Variants in PHKA1 observed in about 807,000 individuals in gnomAD.
PHKA1 encodes the protein phosphorylase kinase regulatory subunit alpha 1.
PHKA1 carries 60 observed loss-of-function variants against 110.2 expected under a neutral mutation model. That is an observed-to-expected ratio of 0.54 (90% CI 0.44 to 0.68). The LOEUF is 0.68. PHKA1 is among the 30% of genes least tolerant of loss of function. PHKA1 has a pLI of 0.00. For synonymous variants in PHKA1, 316 were observed against 333.6 expected, an observed-to-expected ratio of 0.95 and a Z score of 0.58; for missense variants, 801 against 942.5, an observed-to-expected ratio of 0.85 and a Z score of 1.97.
intron 4 of PHKA1, among the ~76,000 whole-genome samples, chrX:72,689,696 CAT>C (rs1363500010): frequency 4.5e-5 from 5 of 111,922 alleles, no homozygotes; most frequent in Non-Finnish European, 9.4e-5. Context: ...TTTGAGTGAA[CAT>C]ATGTTTTCAT....
chrX:72,605,818 A>C (rs2052720114), intron 23 of PHKA1, among the ~76,000 whole-genome samples, 199 bp from the exon 24 acceptor site: 2 of 112,137 alleles, frequency 1.8e-5, no homozygotes, highest in Admixed American at 9.4e-5. Flanking sequence ...AACTTAGAGG[A>C]GCTCTGCTCT....
chrX:72,621,156 C>T (rs1556277345), intron 18 of PHKA1, among the ~76,000 whole-genome samples: 2 of 111,361 alleles, frequency 1.8e-5, no homozygotes. Context: ...TTCTTGAAAG[C>T]AGTATGAGCT....
rs782493033 is a variant in PHKA1 at position 72,602,288 on chromosome X, A to G, written c.2918-15T>C. ...AGTGGGACGAACTATGTAGTATGAGAGATTACAGAGAAAGAGAGAGGATAA... is the reference window on the plus strand; with the variant it reads ...AGTGGGACGAACTATGTAGTATGAGGGATTACAGAGAAAGAGAGAGGATAA... On this transcript the variant is annotated splice_polypyrimidine_tract_variant and intron_variant, in intron 26 of 31. Coordinates refer to ENST00000373542, the MANE Select transcript of PHKA1 (RefSeq NM_002637.4). 1.3e-5 allele frequency: 13 copies of G among 992,468 alleles called. No homozygotes were observed. Among genetic ancestry groups the G allele is most frequent in the Non-Finnish European group, 1.9e-5 (13 of 697,736 alleles). The allele number at this position is 992,468 out of a possible 1,213,427, so 81.8% of individuals were successfully genotyped here.
chrX:72,691,631 G>T (rs1298142529), intron 4 of PHKA1, among the ~76,000 whole-genome samples: 1 of 111,394 alleles, frequency 9.0e-6, no homozygotes, highest in East Asian at 2.8e-4. Flanking sequence ...TTTCATTTTT[G>T]ATCCTATTGT....
chrX:72,600,098 TTGAG>T (rs2052639562), intron 28 of PHKA1, among the ~76,000 whole-genome samples: 1 of 110,215 alleles, frequency 9.1e-6, no homozygotes, highest in African/African-American at 3.3e-5. Context: ...GAGGGCATTC[TTGAG>T]TGATAGGGAA....
At position 72,602,222 on chromosome X, in the gene PHKA1, C is replaced by T. The variant is rs1429837175; in HGVS notation, c.2969G>A (p.Gly990Asp). The part of the protein sequence containing the change: ...VSPAISIHEI[G>D]AVGATKTERT... ...TTCTGTTTTGGTTGCTCCAACAGCA[C>T]CAATCTCGTGGATAGAAATAGCAGG... Residue 990 changes from glycine (G) to aspartate (D), a missense_variant, in exon 27 of 32, where the codon GGT becomes GAT. This residue lies in a region of PHKA1 where 502 missense variants were observed against 519.2 expected (regional missense o/e 0.97). Transcript: ENST00000373542. 1 of 1,203,550 alleles carries T rather than the reference C, an allele frequency of 8.3e-7. No individual in the cohort carries two copies. The highest frequency in any genetic ancestry group is 2.2e-5 in the Admixed American group (1 of 45,534).
At chrX:72,657,357 C>A (rs1160864258) in intron 9 of PHKA1, among the ~76,000 whole-genome samples, 3 of 112,336 alleles carry the variant, frequency 2.7e-5, no homozygotes, top group Admixed American at 9.4e-5. Flanking sequence ...CTAACCAATG[C>A]AAGAGGTGGA....
chrX:72,659,968 C>T (rs2053541074), intron 8 of PHKA1, among the ~76,000 whole-genome samples: 1 of 112,082 alleles, frequency 8.9e-6, no homozygotes, highest in Non-Finnish European at 1.9e-5. Context: ...TTTGCTAACC[C>T]CTGAACTAGA....
intron 28 of PHKA1, among the ~76,000 whole-genome samples, chrX:72,601,269 A>G (rs2052654255): frequency 8.9e-6 from 1 of 111,751 alleles, no homozygotes; most frequent in Non-Finnish European, 1.9e-5. Flanking sequence ...ATACTTGTTA[A>G]AGCACGGTAA....
At chrX:72,586,627 C>T (rs185282698) in intron 29 of PHKA1, among the ~76,000 whole-genome samples, 1 of 110,871 alleles carries the variant, frequency 9.0e-6, no homozygotes, top group East Asian at 2.9e-4. Flanking sequence ...TAACAACAAA[C>T]TTCTCTGAGC....
chrX:72,599,738 C>G (rs1193858471), intron 28 of PHKA1: 12 of 409,578 alleles, frequency 2.9e-5, no homozygotes, highest in Non-Finnish European at 5.2e-5. Flanking sequence ...TTTAATCAAC[C>G]AGTATATGTC....
At chrX:72,693,126 A>C (rs1192174884) in intron 4 of PHKA1, among the ~76,000 whole-genome samples, 2 of 111,048 alleles carry the variant, frequency 1.8e-5, no homozygotes, top group African/African-American at 6.5e-5. Context: ...TGAGATTCCT[A>C]GGTTTCTTTC....
intron 16 of PHKA1, among the ~76,000 whole-genome samples, chrX:72,630,246 T>TGAAAAAGAAAAAGAAAAAGAAAAA (rs202064504): frequency 3.7e-5 from 3 of 81,062 alleles, no homozygotes; most frequent in Non-Finnish European, 6.8e-5. Flanking sequence ...AGAGAGACTC[T>TGAAAAAGAAAAAGAAAAAGAAAAA]GAAAAAGAAA....
At chrX:72,610,076 T>C (rs1473980977) in intron 22 of PHKA1, among the ~76,000 whole-genome samples, 7 of 111,626 alleles carry the variant, frequency 6.3e-5, no homozygotes, top group African/African-American at 2.0e-4. Context: ...ACCTGGGTAA[T>C]TGAGACATCC....
chrX:72,675,303 C>T lies in PHKA1; in HGVS notation c.618+767G>A, dbSNP rs373670552. Among the ~76,000 whole-genome samples, 64 of 110,840 alleles carry T rather than the reference C, an allele frequency of 5.8e-4. 2 individuals are homozygous for T. The East Asian group carries it at 7.6e-3, about 13-fold the overall frequency. ...CTCCCTTTGTCCTCTCTGTTCCATG[C>T]AATATTTTTTACTTTGAATTCTACT... On this transcript the variant is annotated intron_variant, in intron 6 of 31. Transcript: ENST00000373542.
chrX:72,688,843 T>C (rs2053999069), intron 4 of PHKA1: 1 of 112,313 alleles, frequency 8.9e-6, no homozygotes, highest in Non-Finnish European at 1.9e-5. Context: ...TAAATAGCAT[T>C]GAACAGTAGA....
In PHKA1 at chrX:72,661,661, C is replaced by T. The variant is rs782267459; in HGVS notation, c.865-4020G>A. Among the ~76,000 whole-genome samples the T allele has an allele frequency of 6.1e-5, 6 of 98,506 alleles. No individual in the cohort carries two copies. The East Asian group carries it at 1.9e-3, about 31-fold the overall frequency. 85.5% of individuals were successfully genotyped at this position (98,506 alleles called of 115,157 possible). A position where few individuals can be genotyped will look rare whatever the true frequency, so the allele number is the denominator to read the frequency against. On this transcript the variant is annotated intron_variant, in intron 8 of 31. Transcript: ENST00000373542. ...TGCTTGTATCTGTGGATTGAAGTTA[C>T]TGAAGTGAATACCAATTAAAAAAAA... is the stretch of plus-strand genomic sequence containing the variant.
intron 3 of PHKA1, among the ~76,000 whole-genome samples, chrX:72,696,778 G>C (rs962332439): frequency 6.3e-5 from 7 of 111,533 alleles, no homozygotes; most frequent in African/African-American, 2.3e-4. Flanking sequence ...ACTGAGACCT[G>C]TCTCAGATTT....
chrX:72,595,957 G>A (rs1556233622), intron 28 of PHKA1, among the ~76,000 whole-genome samples: 1 of 112,007 alleles, frequency 8.9e-6, no homozygotes, highest in Non-Finnish European at 1.9e-5. Flanking sequence ...TTATCCAAAA[G>A]AATTGAAGTC....
Sources: gnomAD v4.1 joint callset for allele counts (sites outside exome capture counted in the v4.1 genomes callset) on GRCh38, gnomAD v4.1.1 for gene constraint, gnomAD v4.1.1 regional missense constraint, MANE v1.5 for transcripts, NCBI Gene and HGNC (gene_info 2026-07-23, HGNC 2026-07-21) for gene names.